Variants in SPC25 observed in about 807,000 individuals in gnomAD.
SPC25 encodes SPC25 component of NDC80 kinetochore complex.
Under a neutral mutation model 29.6 loss-of-function variants are expected in SPC25, and 22 were observed. That is an observed-to-expected ratio of 0.74 (90% CI 0.53 to 1.06). The LOEUF (loss-of-function observed/expected upper bound fraction) is 1.06, where lower values mean the gene tolerates loss of function less well. Ranked by LOEUF, SPC25 falls within the 50% of genes least tolerant of loss-of-function variation. The probability of loss-of-function intolerance (pLI) is 0.00; values close to 1 mark genes in which losing one functional copy is unlikely to be tolerated. For missense variants in SPC25, 230 were observed against 255.8 expected (o/e 0.90, Z 0.69); for synonymous variants, 91 against 90.4 (o/e 1.01, Z -0.04).
At chr2:168,879,411 T>A (rs1025179188) in intron 3 of SPC25, among the ~76,000 whole-genome samples, 2 of 152,236 alleles carry the variant, frequency 1.3e-5, no homozygotes, top group African/African-American at 4.8e-5. Context: ...TTCCATTCCA[T>A]AAAACCACTT....
chr2:168,871,855 T>C (rs1689997703), intron 6 of SPC25, among the ~76,000 whole-genome samples: 1 of 152,102 alleles, frequency 6.6e-6, no homozygotes, highest in Admixed American at 6.6e-5. Context: ...CATCTTAAAC[T>C]TATATATTTT....
chr2:168,863,934 A>AG (rs1361951081), intron 4 of SPC25, among the ~76,000 whole-genome samples: 1 of 151,618 alleles, frequency 6.6e-6, no homozygotes, highest in African/African-American at 2.4e-5. Context: ...TTTTTGAGGC[A>AG]GAGTCTTGCT....
chr2:168,863,645 G>A, intron 4 of SPC25: 2 of 962,088 alleles, frequency 2.1e-6, no homozygotes, highest in South Asian at 1.0e-4. Flanking sequence ...ATTTTGAATG[G>A]GGAGTTACAT....
chr2:168,863,266 C>T (rs925571931), intron 4 of SPC25: 5 of 305,140 alleles, frequency 1.6e-5, no homozygotes, highest in Non-Finnish European at 2.4e-5. Context: ...TGTCAATTTA[C>T]TGACGAGGGA....
chr2:168,877,000 T>G (rs1690098246), intron 4 of SPC25, among the ~76,000 whole-genome samples: 1 of 152,148 alleles, frequency 6.6e-6, no homozygotes, highest in Admixed American at 6.6e-5. Flanking sequence ...CTCCTATCAA[T>G]TTCATTATTA....
At chr2:168,876,253 T>G in intron 4 of SPC25, 77 bp from the exon 5 acceptor site, 1 of 1,037,080 alleles carries the variant, frequency 9.6e-7, no homozygotes, top group Non-Finnish European at 1.4e-6. Flanking sequence ...TTTTTTAAAC[T>G]TAAAATCAAC....
rs953170793 is a variant in SPC25 at position 168,865,034 on chromosome 2, G to A, written n.419+8551C>T. ...CAACAATACAGTGTGGTTCAAATAA[G>A]AATAAAGTGCTCTTACCTTTACATG... is the stretch of plus-strand genomic sequence containing the variant. On this transcript the variant is annotated intron_variant and non_coding_transcript_variant, in intron 4 of 4. Coordinates refer to the SPC25 transcript ENST00000479309. 1.4e-5 allele frequency: 22 copies of A among 1,552,232 alleles called. No homozygotes were observed. The Admixed American group carries it at 2.4e-4, about 17-fold the overall frequency.
downstream of SPC25, among the ~76,000 whole-genome samples, chr2:168,866,061 A>AGAT: frequency 1.3e-5 from 2 of 152,308 alleles, no homozygotes; most frequent in Non-Finnish European, 2.9e-5. Flanking sequence ...GGTAATTTAT[A>AGAT]GATTCAATGC....
Position 168,888,972 on chromosome 2 carries a change from T to TACACAC in SPC25, c.199+248_199+253dup, listed in dbSNP as rs1553539509. ...GTGTGTGTGTGTATATATATATATATACACACACACATATATATGTATATA... is the reference window on the plus strand; with the variant it reads ...GTGTGTGTGTGTATATATATATATATACACACACACACACACATATATATGTATATA... On this transcript the variant is annotated intron_variant, in intron 3 of 6. Coordinates refer to ENST00000282074, the MANE Select transcript of SPC25 (RefSeq NM_020675.4). Among the ~76,000 whole-genome samples, 990 of 103,264 alleles carry TACACAC rather than the reference T, an allele frequency of 9.6e-3. 65 individuals carry two copies. The highest frequency in any genetic ancestry group is 0.037 in the African/African-American group (839 of 22,664). The allele number at this position is 103,264 out of a possible 152,430, so 67.7% of individuals were successfully genotyped here.
At position 168,887,508 on chromosome 2, in the gene SPC25, C is replaced by A. The variant is rs1380713258; in HGVS notation, c.199+1718G>T. On this transcript the variant is annotated intron_variant, in intron 3 of 6. Coordinates refer to ENST00000282074, the MANE Select transcript of SPC25 (RefSeq NM_020675.4). ...AAATAACCTACTGGGGTAACAAAGT[C>A]AAATGCCTTCATGGGCCACACAATG... is the stretch of plus-strand genomic sequence containing the variant. Among the ~76,000 whole-genome samples, 3 of 152,008 alleles carry A rather than the reference C, an allele frequency of 2.0e-5. No homozygotes were observed. The East Asian group carries it at 5.8e-4, about 29-fold the overall frequency.
chr2:168,884,469 A>G (rs1303868069), intron 3 of SPC25, among the ~76,000 whole-genome samples: 1 of 152,230 alleles, frequency 6.6e-6, no homozygotes, highest in Non-Finnish European at 1.5e-5. Context: ...TCTTCCTAGA[A>G]GATTACCTGG....
rs1338151261 is a variant in SPC25, at chr2:168,871,253, G to GCT, written c.*177_*178insAG. The GCT allele has an allele frequency of 6.9e-6, 3 of 435,564 alleles. No homozygotes were observed. The East Asian group carries it at 1.4e-4, about 20-fold the overall frequency. The allele number at this position is 435,564 out of a possible 1,614,324, so 27.0% of individuals were successfully genotyped here. ...GATAGCATTAGGAGATATACCTAAT[G>GCT]AAATGACGAGTTAATGGGTGCAGCA... On this transcript the variant is annotated 3_prime_UTR_variant, in exon 7 of 7. Coordinates refer to ENST00000282074, the MANE Select transcript of SPC25 (RefSeq NM_020675.4).
rs1370313242 is a variant in SPC25 at position 168,889,262 on chromosome 2, C to T, written c.163G>A (p.Glu55Lys). 6.2e-7 allele frequency: 1 copy of T among 1,613,700 alleles called. No homozygotes were observed. Among genetic ancestry groups the T allele is most frequent in the Middle Eastern group, 1.7e-4 (1 of 6,052 alleles). Residue 55 changes from glutamate to lysine, a missense_variant, in exon 3 of 7, where the codon GAA becomes AAA. Glu to Lys is a moderately conservative substitution (Grantham distance 56, BLOSUM62 1). Transcript: ENST00000282074. ...TCCAGAAACATCTCAACCATTCGTTCTTCTTCCTTTAATTTCACAGACAGC... is the reference window on the plus strand; with the variant it reads ...TCCAGAAACATCTCAACCATTCGTTTTTCTTCCTTTAATTTCACAGACAGC... The part of the protein sequence containing the change: ...EKLSVKLKEE[E>K]RMVEMFLEYQ...
At chr2:168,888,361 T>C (rs554921623) in intron 3 of SPC25, among the ~76,000 whole-genome samples, 9 of 152,168 alleles carry the variant, frequency 5.9e-5, no homozygotes, top group African/African-American at 2.2e-4. Flanking sequence ...TGAGACCGTC[T>C]TGGCTAACAC....
chr2:168,864,546 A>C (rs1247382057), intron 4 of SPC25, among the ~76,000 whole-genome samples: 1 of 152,326 alleles, frequency 6.6e-6, no homozygotes, highest in East Asian at 1.9e-4. Context: ...TGGCCTCCCA[A>C]AGTGCTGGGA....
intron 3 of SPC25, among the ~76,000 whole-genome samples, chr2:168,882,921 G>C (rs1381885151): frequency 6.6e-6 from 1 of 152,126 alleles, no homozygotes; most frequent in African/African-American, 2.4e-5. Context: ...CTAATATTGA[G>C]AGGAATGCAA....
intron 5 of SPC25, 134 bp from the exon 6 acceptor site, chr2:168,873,817 C>A: frequency 2.0e-6 from 1 of 497,554 alleles, no homozygotes; most frequent in Non-Finnish European, 3.6e-6. Context: ...GCAGAAGTTA[C>A]AAATTCGTTT....
intron 5 of SPC25, among the ~76,000 whole-genome samples, chr2:168,874,492 G>C (rs1690052816): frequency 6.6e-6 from 1 of 152,126 alleles, no homozygotes; most frequent in African/African-American, 2.4e-5. Context: ...CCCACCAACA[G>C]ATGAATGGAT....
intron 4 of SPC25, chr2:168,863,249 T>C (rs1689587297): frequency 1.2e-5 from 3 of 246,684 alleles, no homozygotes; most frequent in African/African-American, 4.6e-5. Context: ...TTCTTGTTAA[T>C]AGATTATGTC....
Sources: allele counts gnomAD v4.1 joint callset (sites outside exome capture counted in the v4.1 genomes callset), GRCh38; gene constraint gnomAD v4.1.1; transcripts MANE v1.5; gene names NCBI Gene and HGNC (gene_info 2026-07-23, HGNC 2026-07-21).